The following NCOA3 variants were observed in gnomAD, a reference collection of about 807,000 sequenced individuals.
The protein encoded by NCOA3 is nuclear receptor coactivator 3, also known as CBP-interacting protein.
NCOA3 carries 51 observed loss-of-function variants against 158.8 expected under a neutral mutation model. The observed-to-expected ratio is 0.32, with a 90% CI of 0.26 to 0.41. The LOEUF (loss-of-function observed/expected upper bound fraction) is 0.41, where lower values mean the gene tolerates loss of function less well. Among genes scored for constraint, NCOA3 ranks in the 10% least tolerant of loss-of-function variants. The pLI, the probability that NCOA3 is intolerant of heterozygous loss-of-function variation, is 1.00. For synonymous variants in NCOA3, 537 were observed against 592.4 expected (o/e 0.91, Z 1.36); for missense variants, 1,510 against 1,746.6 (o/e 0.86, Z 2.41).
chr20:47,585,661 T>G (rs1166510222), intron 2 of NCOA3, among the ~76,000 whole-genome samples: 1 of 152,224 alleles, frequency 6.6e-6, no homozygotes, highest in East Asian at 1.9e-4. Context: ...TACTGCTTCC[T>G]TGTCCACTCA....
intron 8 of NCOA3, chr20:47,628,703 T>C (rs2086366053): frequency 6.6e-6 from 1 of 152,168 alleles, no homozygotes; most frequent in African/African-American, 2.4e-5. Flanking sequence ...TGAGCCACTG[T>C]GCTTGGCCGG....
chr20:47,596,657 C>T (rs2085761000), intron 2 of NCOA3, among the ~76,000 whole-genome samples: 1 of 152,142 alleles, frequency 6.6e-6, no homozygotes, highest in Non-Finnish European at 1.5e-5. Context: ...ATGATCTTGG[C>T]TTACTGCAGC....
intron 2 of NCOA3, among the ~76,000 whole-genome samples, chr20:47,619,940 C>T (rs61501141): frequency 0.29 from 44,118 of 151,322 alleles, 7,062 homozygotes; most frequent in East Asian, 0.59. Flanking sequence ...GGACTACAGG[C>T]GCCTGCCACC....
chr20:47,612,856 A>T (rs901557294), intron 2 of NCOA3, among the ~76,000 whole-genome samples: 2 of 152,198 alleles, frequency 1.3e-5, no homozygotes, highest in African/African-American at 2.4e-5. Flanking sequence ...ACAGTGTATT[A>T]TCTGTGAACT....
intron 4 of NCOA3, 65 bp from the exon 5 acceptor site, chr20:47,625,316 T>C (rs1400764340): frequency 1.8e-6 from 2 of 1,092,902 alleles, no homozygotes; most frequent in African/African-American, 3.1e-5. Context: ...CTGGGGACTA[T>C]TCGAAGGTGA....
chr20:47,642,880 A>G (rs2086632935), intron 17 of NCOA3, among the ~76,000 whole-genome samples: 1 of 152,116 alleles, frequency 6.6e-6, no homozygotes, highest in South Asian at 2.1e-4. Context: ...CCATTCACAA[A>G]TCTGTATTTC....
chr20:47,609,124 G>A (rs776228447), intron 2 of NCOA3, among the ~76,000 whole-genome samples: 5 of 152,120 alleles, frequency 3.3e-5, no homozygotes, highest in Non-Finnish European at 5.9e-5. Flanking sequence ...ACGTTTTGTA[G>A]CATATAATAC....
intron 8 of NCOA3, among the ~76,000 whole-genome samples, chr20:47,632,272 G>T (rs952512400): frequency 1.3e-5 from 2 of 152,210 alleles, no homozygotes; most frequent in South Asian, 4.1e-4. Context: ...GAAGGTATTA[G>T]GGGGTGGGGA....
intron 2 of NCOA3, among the ~76,000 whole-genome samples, chr20:47,587,589 T>C (rs925831142): frequency 2.6e-5 from 4 of 152,250 alleles, no homozygotes; most frequent in Admixed American, 1.3e-4. Context: ...TTCAATTTCT[T>C]GTATGCTTTA....
chr20:47,536,302 G>C (rs2084631639), intron 1 of NCOA3, among the ~76,000 whole-genome samples: 1 of 152,078 alleles, frequency 6.6e-6, no homozygotes, highest in Non-Finnish European at 1.5e-5. Flanking sequence ...TTTTTGTAGA[G>C]AGTGTCTTGC....
intron 17 of NCOA3, among the ~76,000 whole-genome samples, chr20:47,643,394 C>T (rs2086641383): frequency 6.6e-6 from 1 of 152,212 alleles, no homozygotes; most frequent in Non-Finnish European, 1.5e-5. Context: ...CTGAGCAGTC[C>T]TTGTGTACAC....
chr20:47,613,840 G>C (rs2086084823), intron 2 of NCOA3, among the ~76,000 whole-genome samples: 1 of 151,922 alleles, frequency 6.6e-6, no homozygotes, highest in African/African-American at 2.4e-5. Flanking sequence ...GAACCTGGGA[G>C]GCGGAGGTTG....
Position 47,622,235 on chromosome 20 carries a change from A to C in NCOA3, c.-13A>C. The C allele has an allele frequency of 1.3e-6, 2 of 1,542,734 alleles. No individual in the cohort carries two copies. The highest frequency in any genetic ancestry group is 1.8e-6 in the Non-Finnish European group (2 of 1,122,976). ...TCTCATTATTCTCTCTTAGTTGCTGATGTATATTCAAGATGAGTGGATTAG... is the reference window on the plus strand; with the variant it reads ...TCTCATTATTCTCTCTTAGTTGCTGCTGTATATTCAAGATGAGTGGATTAG... On this transcript the variant is annotated 5_prime_UTR_variant, in exon 3 of 23. An upstream start codon of the reference 5' UTR is lost. Coordinates refer to ENST00000371998, the MANE Select transcript of NCOA3 (RefSeq NM_181659.3).
At position 47,640,019 on chromosome 20, in the gene NCOA3, C is replaced by A; in HGVS notation, c.3048C>A (p.Ser1016=). Residue 1016 remains serine (S), a synonymous_variant, in exon 16 of 23, where the codon TCC becomes TCA. Transcript: ENST00000371998. ...GTTCCTGGCCCGATGGCATGTTGTC[C>A]ATGGAACAAGTTTCTCATGGCACTC... ...QLGSWPDGML[S]MEQVSHGTQN... The A allele has an allele frequency of 6.2e-7, 1 of 1,614,178 alleles. No individual in the cohort carries two copies. Among genetic ancestry groups the A allele is most frequent in the South Asian group, 1.1e-5 (1 of 91,080 alleles).
intron 1 of NCOA3, among the ~76,000 whole-genome samples, chr20:47,522,428 G>GTTTTTTTTTTTTTTTTTTTTTTTTT (rs2084357558): frequency 7.1e-6 from 1 of 140,762 alleles, no homozygotes; most frequent in African/African-American, 2.9e-5. Flanking sequence ...TTTTTTTGTG[G>GTTTTTTTTTTTTTTTTTTTTTTTTT]TTTTAAGGAG....
chr20:47,550,867 A>C (rs553856040), intron 1 of NCOA3, among the ~76,000 whole-genome samples: 74 of 152,312 alleles, frequency 4.9e-4, no homozygotes, highest in African/African-American at 1.6e-3. Context: ...TTTTATGTAT[A>C]TATTACCCAA....
chr20:47,639,626 C>G lies in NCOA3; in HGVS notation c.2757C>G (p.Asp919Glu). 6.2e-7 allele frequency: 1 copy of G among 1,613,874 alleles called. No homozygotes were observed. ...TGACTCAGACTCCTTCCTCAGGAGACTGGGGCTTACCAAACTCAAAGGCCG... is the reference window on the plus strand; with the variant it reads ...TGACTCAGACTCCTTCCTCAGGAGAGTGGGGCTTACCAAACTCAAAGGCCG... ...VTVTQTPSSG[D>E]WGLPNSKAGR... The change falls in exon 15 of 23, where the codon GAC becomes GAG. Residue 919 changes from aspartate to glutamate, a missense_variant. By Grantham distance (45) the Asp-to-Glu change is conservative (BLOSUM62 2). Around this residue, in one of 4 missense-constraint regions of NCOA3, gnomAD observed 1,017 missense variants for 1,098.3 expected, o/e 0.93. Transcript: ENST00000371998.
In NCOA3 at chr20:47,523,288, G is replaced by A. The variant is rs113704514; in HGVS notation, c.-99+21269G>A. On this transcript the variant is annotated intron_variant, in intron 1 of 22. Transcript: ENST00000371998. ...TAACTGTTAGGGGGTTTTGGGCGAT[G>A]ACTCTTTCTGGCTACTTCCTGCTGA... Among the ~76,000 whole-genome samples, 9 of 152,282 alleles carry A rather than the reference G, an allele frequency of 5.9e-5. 3 individuals are homozygous for A. Among genetic ancestry groups the A allele is most frequent in the African/African-American group, 2.2e-4 (9 of 41,554 alleles).
chr20:47,574,337 C>T (rs1602424356), intron 1 of NCOA3, among the ~76,000 whole-genome samples: 1 of 150,550 alleles, frequency 6.6e-6, no homozygotes, highest in East Asian at 2.0e-4. Context: ...CTGACTATAC[C>T]TGGTATTTTA....
Sources: gnomAD v4.1 joint callset for allele counts (sites outside exome capture counted in the v4.1 genomes callset) on GRCh38, gnomAD v4.1.1 for gene constraint, gnomAD v4.1.1 regional missense constraint, MANE v1.5 for transcripts, NCBI Gene and HGNC (gene_info 2026-07-23, HGNC 2026-07-21) for gene names.